Variants in SH3RF3 observed in about 807,000 individuals in gnomAD.
SH3RF3 encodes the protein SH3 domain containing ring finger 3, also known as E3 ubiquitin-protein ligase SH3RF3.
A neutral mutation model predicts 66.3 loss-of-function variants in SH3RF3; 29 were observed. The observed-to-expected ratio is 0.44, with a 90% CI of 0.33 to 0.60. The LOEUF is 0.60. Ranked by LOEUF, SH3RF3 falls within the 20% of genes least tolerant of loss-of-function variation. The pLI is 0.04. For synonymous variants in SH3RF3, 583 were observed against 532.0 expected, an observed-to-expected ratio of 1.10 and a Z score of -1.32; for missense variants, 1,194 against 1,190.9, an observed-to-expected ratio of 1.00 and a Z score of -0.04.
intron 3 of SH3RF3, among the ~76,000 whole-genome samples, chr2:109,372,884 T>C (rs1482320897): frequency 2.6e-5 from 4 of 152,234 alleles, no homozygotes; most frequent in Non-Finnish European, 5.9e-5. Flanking sequence ...AGTGTGCAGA[T>C]ACTTAAAGAT....
At chr2:109,201,947 G>A (rs908142988) in intron 1 of SH3RF3, among the ~76,000 whole-genome samples, 1 of 152,188 alleles carries the variant, frequency 6.6e-6, no homozygotes, top group Non-Finnish European at 1.5e-5. Context: ...AAAAACTGGT[G>A]GAGAAGCAAA....
intron 1 of SH3RF3, among the ~76,000 whole-genome samples, chr2:109,316,709 C>T (rs67726592): frequency 0.31 from 47,477 of 152,084 alleles, 9,195 homozygotes; most frequent in African/African-American, 0.55. Flanking sequence ...GGACATTCCA[C>T]GGGTTTGGAC....
At chr2:109,428,273 C>T (rs557743682) in intron 5 of SH3RF3, among the ~76,000 whole-genome samples, 124 of 152,322 alleles carry the variant, frequency 8.1e-4, no homozygotes, top group African/African-American at 2.9e-3. Context: ...ATGAAATTAG[C>T]GAAGGCACTA....
chr2:109,408,497 G>A (rs1361874739), intron 4 of SH3RF3, among the ~76,000 whole-genome samples: 2 of 152,224 alleles, frequency 1.3e-5, no homozygotes, highest in Non-Finnish European at 2.9e-5. Flanking sequence ...TTTGGGAGGC[G>A]AGAAAAACGG....
chr2:109,306,150 ACACGTCG>A (rs2105410990), intron 1 of SH3RF3, among the ~76,000 whole-genome samples: 1 of 152,356 alleles, frequency 6.6e-6, no homozygotes, highest in East Asian at 1.9e-4. Flanking sequence ...AACATTGTCA[ACACGTCG>A]CTTATAGAGA....
intron 5 of SH3RF3, among the ~76,000 whole-genome samples, chr2:109,431,795 C>T (rs1366643238): frequency 5.3e-5 from 8 of 152,052 alleles, no homozygotes; most frequent in Non-Finnish European, 1.2e-4. Context: ...CACTTGAGCC[C>T]AGGCCATTGA....
chr2:109,203,960 G>A (rs183347640), intron 1 of SH3RF3, among the ~76,000 whole-genome samples: 4 of 152,328 alleles, frequency 2.6e-5, no homozygotes, highest in East Asian at 3.9e-4. Context: ...GCATCTGCAC[G>A]GTGCTCCAGT....
chr2:109,202,627 C>T (rs1361567038), intron 1 of SH3RF3, among the ~76,000 whole-genome samples: 1 of 152,178 alleles, frequency 6.6e-6, no homozygotes, highest in East Asian at 1.9e-4. Context: ...AGGCGTCAGC[C>T]CGGCCCCAGG....
intron 8 of SH3RF3, among the ~76,000 whole-genome samples, chr2:109,472,985 G>A (rs930246485): frequency 6.6e-6 from 1 of 152,212 alleles, no homozygotes; most frequent in Non-Finnish European, 1.5e-5. Context: ...TACCCGACTC[G>A]TGGGGCCTTT....
At chr2:109,171,743 T>C (rs1300783604) in intron 1 of SH3RF3, among the ~76,000 whole-genome samples, 3 of 152,256 alleles carry the variant, frequency 2.0e-5, no homozygotes, top group African/African-American at 7.2e-5. Flanking sequence ...GCTGCCCTCC[T>C]GGTGCCCACG....
chr2:109,354,316 C>T (rs142697310), intron 2 of SH3RF3, among the ~76,000 whole-genome samples: 6 of 152,312 alleles, frequency 3.9e-5, no homozygotes, highest in East Asian at 1.9e-4. Flanking sequence ...GAAGGGGGCC[C>T]GGCAGGGTCA....
intron 1 of SH3RF3, among the ~76,000 whole-genome samples, chr2:109,338,667 C>T (rs557105849): frequency 9.8e-4 from 149 of 152,326 alleles, no homozygotes; most frequent in Middle Eastern, 3.4e-3. Flanking sequence ...AGGCAGTTCT[C>T]CTGCCTCAGC....
intron 1 of SH3RF3, among the ~76,000 whole-genome samples, chr2:109,249,467 C>CTTTCTT (rs772762890): frequency 4.0e-5 from 4 of 99,290 alleles, no homozygotes; most frequent in Non-Finnish European, 8.1e-5. Context: ...TTCTCTCTTT[C>CTTTCTT]TCTTTCTTTC....
At chr2:109,398,206 A>G (rs1676203908) in intron 3 of SH3RF3, among the ~76,000 whole-genome samples, 1 of 152,232 alleles carries the variant, frequency 6.6e-6, no homozygotes, top group African/African-American at 2.4e-5. Flanking sequence ...TGGAGCATGC[A>G]GGGCCAGCCC....
chr2:109,451,424 A>G (rs988298099), intron 8 of SH3RF3, among the ~76,000 whole-genome samples: 5 of 152,222 alleles, frequency 3.3e-5, no homozygotes, highest in African/African-American at 1.2e-4. Flanking sequence ...GGGGGCTGTA[A>G]TAGTTCCTTA....
At chr2:109,406,360 G>A (rs531812485) in intron 4 of SH3RF3, among the ~76,000 whole-genome samples, 39 of 152,076 alleles carry the variant, frequency 2.6e-4, no homozygotes, top group Non-Finnish European at 4.6e-4. Flanking sequence ...AGTCAAGCAG[G>A]TGCCCGAGGA....
In SH3RF3 at chr2:109,239,580, T is replaced by C. The variant is rs539787691; in HGVS notation, c.574-108094T>C. 2.8e-3 allele frequency among the ~76,000 whole-genome samples: 420 copies of C among 152,312 alleles called. 2 individuals carry two copies. The highest frequency in any genetic ancestry group is 9.8e-3 in the African/African-American group (407 of 41,554). On this transcript the variant is annotated intron_variant, in intron 1 of 9. Coordinates refer to ENST00000309415, the MANE Select transcript of SH3RF3 (RefSeq NM_001099289.3). ...GGGTTAGTGGGCAGACACCATTGTT[T>C]GCACACACGAGACTGGGTACAGAGC...
At chr2:109,447,147 T>TAAAAAAAAAAAAAAAAAAAAAAAA (rs61240132) in intron 7 of SH3RF3, among the ~76,000 whole-genome samples, 9 of 82,632 alleles carry the variant, frequency 1.1e-4, no homozygotes, top group Admixed American at 4.1e-4. Context: ...CCTGAATATT[T>TAAAAAAAAAAAAAAAAAAAAAAAA]AAAAAAAAAA....
intron 8 of SH3RF3, among the ~76,000 whole-genome samples, chr2:109,476,142 G>A (rs1241480355): frequency 6.6e-6 from 1 of 152,180 alleles, no homozygotes; most frequent in East Asian, 1.9e-4. Flanking sequence ...TTTAAAATTT[G>A]CTTATTAGCA....
Sources: gnomAD v4.1 joint callset for allele counts (sites outside exome capture counted in the v4.1 genomes callset) on GRCh38, gnomAD v4.1.1 for gene constraint, MANE v1.5 for transcripts, NCBI Gene and HGNC (gene_info 2026-07-23, HGNC 2026-07-21) for gene names.